CEP63: variants seen among roughly 807,000 people sequenced by gnomAD.
The protein encoded by CEP63 is centrosomal protein 63.
In CEP63, 84 loss-of-function variants were observed where a neutral mutation model predicts 89.1. That is an observed-to-expected ratio of 0.94 (90% CI 0.79 to 1.13). CEP63 has a LOEUF of 1.13. Among genes scored for constraint, CEP63 ranks in the 50% most tolerant of loss-of-function variants. The pLI is 0.00. For synonymous variants in CEP63, 267 were observed against 272.5 expected (o/e 0.98, Z 0.20); for missense variants, 838 against 813.3 (o/e 1.03, Z -0.37).
chr3:134,651,407 C>A, the CEP63 span: 1 of 1,085,382 alleles, frequency 9.2e-7, no homozygotes, highest in East Asian at 8.1e-5. Context: ...CACGAGAAGC[C>A]CCTGGCAAAT....
At chr3:134,528,485 C>G (rs1056927024) in intron 3 of CEP63, among the ~76,000 whole-genome samples, 2 of 152,016 alleles carry the variant, frequency 1.3e-5, no homozygotes, top group Non-Finnish European at 2.9e-5. Flanking sequence ...TTTTATAATT[C>G]TGCAGGTGGG....
chr3:134,746,298 C>T, the CEP63 span, among the ~76,000 whole-genome samples: 6 of 152,136 alleles, frequency 3.9e-5, no homozygotes, highest in African/African-American at 1.4e-4. Flanking sequence ...ATATGTGCCA[C>T]ATTTTCTTAA....
At chr3:134,649,350 A>T in the CEP63 span, among the ~76,000 whole-genome samples, 1 of 152,134 alleles carries the variant, frequency 6.6e-6, no homozygotes, top group East Asian at 1.9e-4. Context: ...GCTTCTCTGC[A>T]TTCTTTGCCC....
chr3:134,680,013 C>T, the CEP63 span, among the ~76,000 whole-genome samples: 1 of 152,174 alleles, frequency 6.6e-6, no homozygotes, highest in African/African-American at 2.4e-5. Flanking sequence ...GTGTGAGCCA[C>T]CATACCTGGC....
chr3:134,719,930 A>T, the CEP63 span, among the ~76,000 whole-genome samples: 1 of 152,178 alleles, frequency 6.6e-6, no homozygotes, highest in Non-Finnish European at 1.5e-5. Context: ...TGCTCTATGA[A>T]CATGTATGCA....
At chr3:134,543,341 A>G (rs1363703091) in intron 6 of CEP63, among the ~76,000 whole-genome samples, 2 of 152,152 alleles carry the variant, frequency 1.3e-5, no homozygotes, top group African/African-American at 4.8e-5. Context: ...CTGCAATGGT[A>G]TTGCAGCCCT....
At chr3:134,703,691 C>CCTA in the CEP63 span, among the ~76,000 whole-genome samples, 1 of 152,008 alleles carries the variant, frequency 6.6e-6, no homozygotes, top group Non-Finnish European at 1.5e-5. Context: ...GGGCTTAATG[C>CCTA]CTAGGTGATG....
chr3:134,583,375 T>A (rs1958408425), intron 10 of CEP63, among the ~76,000 whole-genome samples: 1 of 152,210 alleles, frequency 6.6e-6, no homozygotes, highest in African/African-American at 2.4e-5. Context: ...AAGGAAGGGA[T>A]CCAGTTTCAG....
the CEP63 span, chr3:134,647,518 C>A: frequency 6.5e-7 from 1 of 1,543,434 alleles, no homozygotes; most frequent in Admixed American, 1.7e-5. Context: ...ACAAGCTTCT[C>A]TGAGGTGGGA....
At chr3:134,678,992 C>T in the CEP63 span, among the ~76,000 whole-genome samples, 1 of 151,874 alleles carries the variant, frequency 6.6e-6, no homozygotes, top group African/African-American at 2.4e-5. Flanking sequence ...TGTCTTGTAG[C>T]CTGACAAAGA....
chr3:134,541,716 C>T (rs1952050969), intron 6 of CEP63, among the ~76,000 whole-genome samples: 1 of 149,902 alleles, frequency 6.7e-6, no homozygotes, highest in African/African-American at 2.5e-5. Flanking sequence ...TTTTACTATC[C>T]TGGTCAGGCT....
chr3:134,532,654 G>C lies in CEP63; in HGVS notation c.319-124G>C, dbSNP rs1323222553. The C allele has an allele frequency of 2.8e-5, 19 of 674,724 alleles. No individual in the cohort carries two copies. In the East Asian group the frequency reaches 5.0e-4, roughly 18 times the overall value. 41.8% of individuals were successfully genotyped at this position (674,724 alleles called of 1,614,324 possible). A position where few individuals can be genotyped will look rare whatever the true frequency, so the allele number is the denominator to read the frequency against. On this transcript the variant is annotated intron_variant, in intron 4 of 14. Coordinates refer to ENST00000675561, the MANE Select transcript of CEP63 (RefSeq NM_001353108.3). ...TTAGTTTCCTTTTGTGTTTTAGTTT[G>C]GAAATCTAACATGTTCTCAGTAGTA...
Position 134,561,907 on chromosome 3 carries a change from G to T in CEP63, c.*372G>T, listed in dbSNP as rs1156405464. On this transcript the variant is annotated 3_prime_UTR_variant, in exon 15 of 15. Coordinates refer to ENST00000675561, the MANE Select transcript of CEP63 (RefSeq NM_001353108.3). ...AGTAACTGCAGGAACTTTCTTTAGG[G>T]GAAATGTGTAGAAGCATGGATTTAG... The T allele has an allele frequency of 9.4e-7, 1 of 1,069,516 alleles. No individual in the cohort carries two copies. The highest frequency in any genetic ancestry group is 1.7e-5 in the African/African-American group (1 of 58,674). 66.3% of individuals were successfully genotyped at this position (1,069,516 alleles called of 1,614,324 possible). A position where few individuals can be genotyped will look rare whatever the true frequency, so the allele number is the denominator to read the frequency against.
chr3:134,494,865 A>G (rs749862888), intron 1 of CEP63, among the ~76,000 whole-genome samples: 5 of 152,200 alleles, frequency 3.3e-5, no homozygotes, highest in Admixed American at 2.0e-4. Context: ...GTTTAATCTC[A>G]GTACACTTCG....
the CEP63 span, among the ~76,000 whole-genome samples, chr3:134,738,296 ATCTT>A: frequency 4.1e-5 from 6 of 145,358 alleles, no homozygotes; most frequent in Admixed American, 2.8e-4. Context: ...ACACCACAAT[ATCTT>A]TATCCATTTG....
chr3:134,765,328 A>C, the CEP63 span, among the ~76,000 whole-genome samples: 1,291 of 152,330 alleles, frequency 8.5e-3, 16 homozygotes, highest in African/African-American at 0.028. Context: ...CTTGGGGATG[A>C]GGTGGTAAAC....
chr3:134,672,189 T>A, the CEP63 span, among the ~76,000 whole-genome samples: 1 of 152,228 alleles, frequency 6.6e-6, no homozygotes, highest in African/African-American at 2.4e-5. Flanking sequence ...CTGCCATGTG[T>A]TCATGTGTCA....
At chr3:134,646,983 G>T in the CEP63 span, among the ~76,000 whole-genome samples, 1 of 152,190 alleles carries the variant, frequency 6.6e-6, no homozygotes, top group Admixed American at 6.5e-5. Flanking sequence ...ACTTCTTATT[G>T]TATTTTGGGT....
chr3:134,648,887 G>T, the CEP63 span, among the ~76,000 whole-genome samples: 1 of 152,210 alleles, frequency 6.6e-6, no homozygotes, highest in Admixed American at 6.5e-5. Flanking sequence ...GGAGGATCTG[G>T]AGTGTGGAGG....
Sources: gnomAD v4.1 joint callset for allele counts (sites outside exome capture counted in the v4.1 genomes callset) on GRCh38, gnomAD v4.1.1 for gene constraint, MANE v1.5 for transcripts, NCBI Gene and HGNC (gene_info 2026-07-23, HGNC 2026-07-21) for gene names.